The following SMARCC1 variants were observed in gnomAD, a reference collection of about 807,000 sequenced individuals.
The protein encoded by SMARCC1 is SWI/SNF related BAF chromatin remodeling complex subunit C1, also known as SWI/SNF complex subunit SMARCC1.
SMARCC1 carries 43 observed loss-of-function variants against 147.4 expected under a neutral mutation model. The observed-to-expected ratio is 0.29, with a 90% CI of 0.23 to 0.38. The LOEUF (loss-of-function observed/expected upper bound fraction) is 0.38. Ranked by LOEUF, SMARCC1 falls within the 10% of genes least tolerant of loss-of-function variation. SMARCC1 has a pLI of 1.00. For synonymous variants in SMARCC1, 495 were observed against 484.4 expected (o/e 1.02, Z -0.29); for missense variants, 1,119 against 1,381.1 (o/e 0.81, Z 3.01).
intron 19 of SMARCC1, chr3:47,664,004 A>G (rs1036866453): frequency 1.2e-6 from 1 of 854,770 alleles, no homozygotes; most frequent in Non-Finnish European, 1.8e-6. Flanking sequence ...TGGCCCTACC[A>G]TGGGACTTAC....
At chr3:47,613,023 CT>C (rs2106673340) in intron 25 of SMARCC1, among the ~76,000 whole-genome samples, 1 of 152,312 alleles carries the variant, frequency 6.6e-6, no homozygotes, top group South Asian at 2.1e-4. Flanking sequence ...ACTGCATTCA[CT>C]TTTGTGGCAA....
chr3:47,636,786 ATATGTGTGTGTGTGTGTGTG>A lies in SMARCC1; in HGVS notation c.2377-670_2377-651del, dbSNP rs1275965993. On this transcript the variant is annotated intron_variant, in intron 22 of 27. Coordinates refer to ENST00000254480, the MANE Select transcript of SMARCC1 (RefSeq NM_003074.4). ...CAACAACAACCACAACAAAATATAT[ATATGTGTGTGTGTGTGTGTG>A]TGTGTGTGTGTGTGTGTGTGTGTGT... Among the ~76,000 whole-genome samples, 556 of 141,020 alleles carry A rather than the reference ATATGTGTGTGTGTGTGTGTG, an allele frequency of 3.9e-3. 4 individuals are homozygous for A. Among genetic ancestry groups the A allele is most frequent in the African/African-American group, 0.012 (462 of 37,400 alleles). The allele number at this position is 141,020 out of a possible 152,430, so 92.5% of individuals were successfully genotyped here.
intron 1 of SMARCC1, among the ~76,000 whole-genome samples, chr3:47,778,212 A>AAC (rs1553693290): frequency 0.013 from 1,523 of 121,154 alleles, 96 homozygotes; most frequent in Non-Finnish European, 0.02. Flanking sequence ...ACAAAAAACA[A>AAC]AAAACAAAAA....
intron 17 of SMARCC1, 82 bp downstream of exon 17, chr3:47,676,547 A>AT: frequency 1.0e-6 from 1 of 981,454 alleles, no homozygotes; most frequent in South Asian, 1.5e-5. Context: ...TTATAGTATA[A>AT]TAATAATTGT....
intron 18 of SMARCC1, 54 bp from the exon 19 acceptor site, chr3:47,670,771 G>A: frequency 9.4e-7 from 1 of 1,063,230 alleles, no homozygotes; most frequent in Non-Finnish European, 1.5e-6. Flanking sequence ...TGAAGATGGA[G>A]CTCAGTAGAA....
Position 47,689,428 on chromosome 3 carries a change from C to A in SMARCC1, c.1226-4G>T. On this transcript the variant is annotated splice_polypyrimidine_tract_variant and splice_region_variant and intron_variant, in intron 12 of 27. Transcript: ENST00000254480. ...ACTGTTTCTTCATCCTGCTCATCTGCAAAACCAAAACACACAATTCATTTT... is the reference window on the plus strand; with the variant it reads ...ACTGTTTCTTCATCCTGCTCATCTGAAAAACCAAAACACACAATTCATTTT... 1 of 1,611,152 alleles carries A rather than the reference C, an allele frequency of 6.2e-7. No homozygotes were observed. Among genetic ancestry groups the A allele is most frequent in the Non-Finnish European group, 8.5e-7 (1 of 1,177,402 alleles).
chr3:47,621,208 G>C (rs1462857621), intron 25 of SMARCC1, among the ~76,000 whole-genome samples: 1 of 151,884 alleles, frequency 6.6e-6, no homozygotes, highest in African/African-American at 2.4e-5. Flanking sequence ...GCTGAGGCAG[G>C]GGCATCGCTT....
Position 47,586,228 on chromosome 3 carries a change from A to G in SMARCC1, c.*1981T>C, listed in dbSNP as rs1267525389. On this transcript the variant is annotated 3_prime_UTR_variant, in exon 28 of 28. Transcript: ENST00000254480. The stretch of plus-strand genomic sequence containing the variant: ...TTAAATTTGAAAGTGATCACATTAA[A>G]GACCTGAGGTTACAAGGGACCACAG... 1 of 152,264 alleles carries G rather than the reference A, an allele frequency of 6.6e-6. No individual in the cohort carries two copies. Among genetic ancestry groups the G allele is most frequent in the Non-Finnish European group, 1.5e-5 (1 of 68,046 alleles). The allele number at this position is 152,264 out of a possible 1,614,324, so 9.4% of individuals were successfully genotyped here. A position where few individuals can be genotyped will look rare whatever the true frequency, so the allele number is the denominator to read the frequency against.
chr3:47,680,394 G>T, intron 15 of SMARCC1, 43 bp downstream of exon 15: 2 of 1,351,648 alleles, frequency 1.5e-6, no homozygotes, highest in Non-Finnish European at 1.1e-6. Flanking sequence ...AGCCCCTACC[G>T]CACACAGGCA....
intron 3 of SMARCC1, 130 bp downstream of exon 3, chr3:47,745,778 C>A: frequency 1.9e-6 from 1 of 518,316 alleles, no homozygotes. Flanking sequence ...GATGTAGAAA[C>A]AAGGTAAATT....
chr3:47,633,817 C>A (rs185974677), intron 24 of SMARCC1, among the ~76,000 whole-genome samples: 1 of 125,356 alleles, frequency 8.0e-6, no homozygotes, highest in Non-Finnish European at 1.7e-5. Context: ...CACACACACA[C>A]ATATATATAA....
chr3:47,655,052 A>T (rs1281869916), intron 21 of SMARCC1, among the ~76,000 whole-genome samples: 1 of 152,226 alleles, frequency 6.6e-6, no homozygotes, highest in Non-Finnish European at 1.5e-5. Context: ...CAAAGTAGAG[A>T]GAACAACAGG....
intron 11 of SMARCC1, among the ~76,000 whole-genome samples, chr3:47,693,682 A>T (rs1368996228): frequency 6.6e-6 from 1 of 152,168 alleles, no homozygotes; most frequent in African/African-American, 2.4e-5. Flanking sequence ...GTTTGTTTTC[A>T]GACAGGGACT....
chr3:47,750,919 CAG>C (rs1442787484), intron 2 of SMARCC1, among the ~76,000 whole-genome samples: 2 of 148,714 alleles, frequency 1.3e-5, no homozygotes, highest in African/African-American at 5.0e-5. Context: ...TTTTTTGAGC[CAG>C]AGTCTCACTC....
intron 19 of SMARCC1, among the ~76,000 whole-genome samples, chr3:47,667,233 G>A (rs1052098931): frequency 2.0e-5 from 3 of 151,766 alleles, no homozygotes; most frequent in African/African-American, 7.3e-5. Context: ...CAGGAGAATA[G>A]TGTGAACCCG....
At chr3:47,776,364 G>A (rs1029570361) in intron 1 of SMARCC1, among the ~76,000 whole-genome samples, 1 of 152,110 alleles carries the variant, frequency 6.6e-6, no homozygotes, top group Non-Finnish European at 1.5e-5. Flanking sequence ...AACTTTGGGA[G>A]GCCGCGGCGG....
rs1305235278 is a variant in SMARCC1, at chr3:47,678,298, G to T, written c.1471C>A (p.Arg491=). ...CGATACGTGTCAATCATAAAATTTC[G>T]ATATGCCAAGTATCTAAAAAGCAAT... ...SKTPEIYLAY[R]NFMIDTYRLN... Residue 491 remains arginine (R), a synonymous_variant, in exon 16 of 28, where the codon CGA becomes AGA. Coordinates refer to ENST00000254480, the MANE Select transcript of SMARCC1 (RefSeq NM_003074.4). 6.3e-7 allele frequency: 1 copy of T among 1,578,918 alleles called. No individual in the cohort carries two copies. The highest frequency in any genetic ancestry group is 1.8e-5 in the Admixed American group (1 of 55,910).
chr3:47,769,946 C>A (rs1454057537), intron 2 of SMARCC1, among the ~76,000 whole-genome samples: 5 of 152,166 alleles, frequency 3.3e-5, no homozygotes, highest in African/African-American at 4.8e-5. Context: ...AAGGCTGGGG[C>A]CGGGCACGGT....
chr3:47,774,337 G>C (rs2034949455), intron 1 of SMARCC1, among the ~76,000 whole-genome samples: 1 of 151,600 alleles, frequency 6.6e-6, no homozygotes, highest in Non-Finnish European at 1.5e-5. Context: ...AATTAGCTGG[G>C]TGTGGTGGCG....
Sources: allele counts gnomAD v4.1 joint callset (sites outside exome capture counted in the v4.1 genomes callset), GRCh38; gene constraint gnomAD v4.1.1; transcripts MANE v1.5; gene names NCBI Gene and HGNC (gene_info 2026-07-23, HGNC 2026-07-21).